Variants in CNTN3 observed in about 807,000 individuals in gnomAD.
CNTN3 encodes contactin-3.
CNTN3 carries 60 observed loss-of-function variants against 119.1 expected under a neutral mutation model. The observed-to-expected ratio is 0.50, with a 90% CI of 0.41 to 0.62. CNTN3 has a LOEUF of 0.62. CNTN3 is among the 20% of genes least tolerant of loss of function. The pLI is 0.00. For missense variants in CNTN3, 1,101 were observed against 1,242.4 expected, an observed-to-expected ratio of 0.89 and a Z score of 1.71; for synonymous variants, 450 against 438.7, an observed-to-expected ratio of 1.03 and a Z score of -0.32.
chr3:74,552,267 G>T (rs1427505565), intron 1 of CNTN3, among the ~76,000 whole-genome samples: 4 of 152,168 alleles, frequency 2.6e-5, no homozygotes, highest in Admixed American at 2.6e-4. Flanking sequence ...CGTCCATGTG[G>T]ATATTTTCGT....
intron 1 of CNTN3, among the ~76,000 whole-genome samples, chr3:74,598,945 G>T (rs915223235): frequency 4.6e-5 from 7 of 151,976 alleles, no homozygotes; most frequent in African/African-American, 1.4e-4. Flanking sequence ...TTAACATTTA[G>T]ATGTAGAGAT....
At chr3:74,613,505 CT>C (rs1008588629) in intron 1 of CNTN3, among the ~76,000 whole-genome samples, 18 of 152,060 alleles carry the variant, frequency 1.2e-4, no homozygotes, top group Non-Finnish European at 1.8e-4. Flanking sequence ...GTTTGCTGTC[CT>C]TACCGTAGCG....
At chr3:74,443,320 C>T (rs1481207394) in intron 4 of CNTN3, among the ~76,000 whole-genome samples, 4 of 152,180 alleles carry the variant, frequency 2.6e-5, no homozygotes, top group Admixed American at 2.6e-4. Context: ...CTTCCTGCTT[C>T]ATTCCAGTGA....
At chr3:74,603,794 T>C (rs771870094) in intron 1 of CNTN3, among the ~76,000 whole-genome samples, 19 of 152,052 alleles carry the variant, frequency 1.2e-4, no homozygotes, top group Admixed American at 3.9e-4. Flanking sequence ...CAAAGACATT[T>C]TTCACAGAAA....
At chr3:74,409,441 GT>G (rs1039901461) in intron 5 of CNTN3, among the ~76,000 whole-genome samples, 1 of 145,054 alleles carries the variant, frequency 6.9e-6, no homozygotes, top group African/African-American at 2.5e-5. Context: ...ACCTCTTCCA[GT>G]TTTTTGTGCT....
At chr3:74,543,896 T>G (rs1249951929) in intron 1 of CNTN3, among the ~76,000 whole-genome samples, 1 of 152,196 alleles carries the variant, frequency 6.6e-6, no homozygotes, top group Non-Finnish European at 1.5e-5. Context: ...AGTCTTCATA[T>G]TCAGAGTTTT....
intron 1 of CNTN3, among the ~76,000 whole-genome samples, chr3:74,597,714 C>T (rs1013658529): frequency 6.6e-6 from 1 of 151,966 alleles, no homozygotes; most frequent in Admixed American, 6.6e-5. Context: ...ATGTTAAAAG[C>T]CGTCTTTGCA....
intron 13 of CNTN3, among the ~76,000 whole-genome samples, chr3:74,306,261 G>A (rs182630989): frequency 6.8e-6 from 1 of 147,190 alleles, no homozygotes; most frequent in Admixed American, 6.8e-5. Flanking sequence ...GAAATGGGAT[G>A]AAATAGTCCT....
chr3:74,464,546 C>G (rs540325603), intron 4 of CNTN3, among the ~76,000 whole-genome samples: 1 of 152,084 alleles, frequency 6.6e-6, no homozygotes, highest in Non-Finnish European at 1.5e-5. Context: ...CCCCAGAGTG[C>G]TTACATCCTG....
chr3:74,425,043 C>T, intron 4 of CNTN3, 103 bp from the exon 5 acceptor site: 1 of 751,750 alleles, frequency 1.3e-6, no homozygotes, highest in South Asian at 2.0e-5. Context: ...TTAGTTTTTG[C>T]TTTTTTCTTT....
intron 1 of CNTN3, among the ~76,000 whole-genome samples, chr3:74,594,273 C>CTTTTTTTTTTTTTT (rs59436860): frequency 8.9e-6 from 1 of 112,052 alleles, no homozygotes; most frequent in South Asian, 3.0e-4. Flanking sequence ...TTCTTTTTTT[C>CTTTTTTTTTTTTTT]TTTTTTTTTT....
chr3:74,340,487 A>G (rs1575737624), intron 11 of CNTN3, among the ~76,000 whole-genome samples: 1 of 152,228 alleles, frequency 6.6e-6, no homozygotes, highest in East Asian at 1.9e-4. Flanking sequence ...CCATGCTCCC[A>G]ACCCATCTGA....
chr3:74,279,650 AG>A (rs1440303952), intron 20 of CNTN3, among the ~76,000 whole-genome samples: 2 of 144,288 alleles, frequency 1.4e-5, no homozygotes, highest in South Asian at 2.5e-4. Flanking sequence ...GAAGGTTGGG[AG>A]GGGGGCAAGG....
At chr3:74,377,351 A>G (rs1704503580) in intron 5 of CNTN3, among the ~76,000 whole-genome samples, 1 of 152,090 alleles carries the variant, frequency 6.6e-6, no homozygotes, top group Non-Finnish European at 1.5e-5. Flanking sequence ...GAATAATGTG[A>G]TTTATGCATT....
At chr3:74,580,640 A>G (rs2106667095) in intron 1 of CNTN3, among the ~76,000 whole-genome samples, 1 of 152,328 alleles carries the variant, frequency 6.6e-6, no homozygotes, top group East Asian at 1.9e-4. Flanking sequence ...ATCTCAATAG[A>G]TTAAGAAAGT....
intron 1 of CNTN3, among the ~76,000 whole-genome samples, chr3:74,603,430 A>G (rs542817171): frequency 6.6e-6 from 1 of 152,166 alleles, no homozygotes. Flanking sequence ...TAAGCCACAT[A>G]GAGCAGGCAC....
chr3:74,591,631 C>T (rs560620831), intron 1 of CNTN3, among the ~76,000 whole-genome samples: 7 of 151,832 alleles, frequency 4.6e-5, no homozygotes, highest in Non-Finnish European at 1.0e-4. Context: ...GCAAAGAAGA[C>T]TCCATCGAGA....
chr3:74,321,612 A>C (rs1702992427), intron 13 of CNTN3, among the ~76,000 whole-genome samples: 1 of 152,154 alleles, frequency 6.6e-6, no homozygotes, highest in Non-Finnish European at 1.5e-5. Context: ...GCAAAAGCTG[A>C]TTCTTTGAAA....
chr3:74,510,007 C>A (rs1041303175), intron 2 of CNTN3, among the ~76,000 whole-genome samples: 22 of 106,262 alleles, frequency 2.1e-4, no homozygotes, highest in African/African-American at 7.3e-4. Flanking sequence ...TCTTAGCATA[C>A]CTATTTTATA....
Sources: gnomAD v4.1 joint callset for allele counts (sites outside exome capture counted in the v4.1 genomes callset) on GRCh38, gnomAD v4.1.1 for gene constraint, MANE v1.5 for transcripts, NCBI Gene and HGNC (gene_info 2026-07-23, HGNC 2026-07-21) for gene names.